DIAPH2: variants seen among roughly 807,000 people sequenced by gnomAD.
The protein encoded by DIAPH2 is diaphanous related formin 2.
Under a neutral mutation model 92.7 loss-of-function variants are expected in DIAPH2, and 35 were observed. The ratio of observed to expected loss-of-function variants is 0.38; its 90% CI spans 0.29 to 0.50. DIAPH2 has a LOEUF of 0.50. Ranked by LOEUF, DIAPH2 falls within the 20% of genes least tolerant of loss-of-function variation. The pLI is 0.94. For missense variants in DIAPH2, 701 were observed against 819.5 expected (o/e 0.86, Z 1.77); for synonymous variants, 301 against 280.4 (o/e 1.07, Z -0.73).
At chrX:97,235,995 C>T (rs1332910743) in intron 22 of DIAPH2, among the ~76,000 whole-genome samples, 1 of 111,675 alleles carries the variant, frequency 9.0e-6, no homozygotes, top group African/African-American at 3.3e-5. Flanking sequence ...AAGGAAAATA[C>T]AACCATAGGC....
At chrX:97,375,901 G>C (rs1328634041) in intron 24 of DIAPH2, among the ~76,000 whole-genome samples, 1 of 111,487 alleles carries the variant, frequency 9.0e-6, no homozygotes, top group Non-Finnish European at 1.9e-5. Context: ...GCAAGGCCTG[G>C]GGTAGGGAAC....
chrX:96,884,562 G>T, intron 5 of DIAPH2: 1 of 1,211,104 alleles, frequency 8.3e-7, no homozygotes, highest in Non-Finnish European at 1.1e-6. Context: ...GAGGGGCAGA[G>T]AAGGCTTCAA....
At chrX:97,258,695 C>G (rs1446026977) in intron 23 of DIAPH2, among the ~76,000 whole-genome samples, 2 of 106,722 alleles carry the variant, frequency 1.9e-5, no homozygotes, top group African/African-American at 6.8e-5. Context: ...CAGTGAAACC[C>G]CGTCTATACT....
intron 26 of DIAPH2, among the ~76,000 whole-genome samples, chrX:97,535,104 T>A (rs2071085948): frequency 8.9e-6 from 1 of 112,097 alleles, no homozygotes; most frequent in South Asian, 3.7e-4. Flanking sequence ...TGATGCTGTA[T>A]ACTGGCTGAG....
chrX:97,252,972 T>C lies in DIAPH2; in HGVS notation c.2844+5133T>C, dbSNP rs1309083324. Among the ~76,000 whole-genome samples the C allele has an allele frequency of 2.7e-5, 3 of 111,156 alleles. No individual in the cohort carries two copies. In the East Asian group the frequency reaches 8.4e-4, roughly 31 times the overall value. ...GTCAGTAATACAGATAATGCATACA[T>C]TGAGAAGCAAATTGTTTTAGAAAAC... is the stretch of plus-strand genomic sequence containing the variant. On this transcript the variant is annotated intron_variant, in intron 23 of 26. Coordinates refer to ENST00000324765, the MANE Select transcript of DIAPH2 (RefSeq NM_006729.5).
At position 96,884,705 on chromosome X, in the gene DIAPH2, A is replaced by C. The variant is rs377302642; in HGVS notation, c.587+2987A>C. The C allele has an allele frequency of 3.3e-6, 4 of 1,208,388 alleles. No individual in the cohort carries two copies. Among genetic ancestry groups the C allele is most frequent in the Non-Finnish European group, 4.5e-6 (4 of 894,831 alleles). On this transcript the variant is annotated intron_variant, in intron 5 of 26. Transcript: ENST00000324765. ...TATGTCAAAGTGTTTGGTATCCTCAAATGTCCCACGGGAACAAAGAGCCTT... is the reference window on the plus strand; with the variant it reads ...TATGTCAAAGTGTTTGGTATCCTCACATGTCCCACGGGAACAAAGAGCCTT...
intron 22 of DIAPH2, among the ~76,000 whole-genome samples, chrX:97,200,872 A>G (rs2067742135): frequency 9.0e-6 from 1 of 111,718 alleles, no homozygotes; most frequent in Non-Finnish European, 1.9e-5. Context: ...ATGCCTCCTG[A>G]CTGGGAGAGA....
chrX:97,471,551 G>A (rs2070562531), intron 26 of DIAPH2, among the ~76,000 whole-genome samples: 2 of 109,251 alleles, frequency 1.8e-5, no homozygotes, highest in Admixed American at 9.8e-5. Context: ...AATCAGCCGG[G>A]CGTGGTGGTG....
At chrX:97,294,505 G>C (rs761505269) in intron 23 of DIAPH2, among the ~76,000 whole-genome samples, 8 of 111,282 alleles carry the variant, frequency 7.2e-5, no homozygotes, top group African/African-American at 2.6e-4. Flanking sequence ...ATTTCTCTTT[G>C]AGTTATTCAA....
At chrX:96,901,532 GTTTTTTTTTT>G (rs369526046) in intron 5 of DIAPH2, among the ~76,000 whole-genome samples, 44 of 33,098 alleles carry the variant, frequency 1.3e-3, no homozygotes, top group African/African-American at 4.2e-3. Context: ...TTTTCTTTCT[GTTTTTTTTTT>G]TTTTTTTTTT....
chrX:97,164,014 C>T (rs1037769215), intron 22 of DIAPH2, among the ~76,000 whole-genome samples: 2 of 112,014 alleles, frequency 1.8e-5, no homozygotes, highest in African/African-American at 6.5e-5. Flanking sequence ...AGTAAATTGG[C>T]TCAATGTATG....
intron 22 of DIAPH2, among the ~76,000 whole-genome samples, chrX:97,191,642 A>T: frequency 8.9e-6 from 1 of 112,288 alleles, no homozygotes; most frequent in Non-Finnish European, 1.9e-5. Context: ...TTGGAAAATA[A>T]CCCTTAAAAA....
intron 19 of DIAPH2, among the ~76,000 whole-genome samples, chrX:97,079,614 G>A (rs2066727590): frequency 9.0e-6 from 1 of 110,895 alleles, no homozygotes; most frequent in Non-Finnish European, 1.9e-5. Flanking sequence ...AAGGATTTTT[G>A]GAGTCATTTA....
In DIAPH2 at chrX:96,738,717, G is replaced by C. The variant is rs1305571963; in HGVS notation, c.297G>C (p.Leu99Phe). ...AAQPLYDERSLNLSEKEVLDL... is the reference protein window; with the variant it reads ...AAQPLYDERSFNLSEKEVLDL... ...AGCCATTATATGATGAACGATCTTT[G>C]AATTTGTCAGAAAAGGAAGTATTGG... The change falls in exon 3 of 27, where the codon TTG becomes TTC. Residue 99 changes from leucine (L) to phenylalanine (F), a missense_variant. By Grantham distance (22) the Leu-to-Phe change is conservative (BLOSUM62 0). Transcript: ENST00000324765. 8.3e-7 allele frequency: 1 copy of C among 1,205,799 alleles called. No homozygotes were observed. Among genetic ancestry groups the C allele is most frequent in the African/African-American group, 1.8e-5 (1 of 56,877 alleles).
At chrX:96,933,225 G>GA (rs1276092653) in intron 10 of DIAPH2, among the ~76,000 whole-genome samples, 10 of 106,765 alleles carry the variant, frequency 9.4e-5, no homozygotes, top group African/African-American at 2.7e-4. Flanking sequence ...ATTTGGTTGG[G>GA]AAAAAAAAAA....
At chrX:97,479,416 G>A (rs1482510050) in intron 26 of DIAPH2, among the ~76,000 whole-genome samples, 1 of 112,257 alleles carries the variant, frequency 8.9e-6, no homozygotes, top group African/African-American at 3.2e-5. Context: ...GAGATGAAGA[G>A]CCTTGGCATC....
intron 26 of DIAPH2, among the ~76,000 whole-genome samples, chrX:97,569,138 G>C (rs1469949472): frequency 9.0e-6 from 1 of 111,544 alleles, no homozygotes; most frequent in Non-Finnish European, 1.9e-5. Flanking sequence ...ACAGTGTCTG[G>C]AATGCTAAAA....
rs748366783 is a variant in DIAPH2 at position 96,709,421 on chromosome X, G to GT, written c.132+24232dup. ...TGCTACTGAATTAAGCATAGGTGAGGTAACTGAAAGCCTAGGAAAAAAATA... is the reference window on the plus strand; with the variant it reads ...TGCTACTGAATTAAGCATAGGTGAGGTTAACTGAAAGCCTAGGAAAAAAATA... On this transcript the variant is annotated intron_variant, in intron 1 of 26. Coordinates refer to ENST00000324765, the MANE Select transcript of DIAPH2 (RefSeq NM_006729.5). Among the ~76,000 whole-genome samples, 8 of 111,887 alleles carry GT rather than the reference G, an allele frequency of 7.2e-5. No individual in the cohort carries two copies. The South Asian group carries it at 3.0e-3, about 42-fold the overall frequency.
In DIAPH2 at chrX:97,398,935, C is replaced by T. The variant is rs754582406; in HGVS notation, c.3145+14891C>T. ...CTAATTTTTGTATTTTTAGTAGAGACGGGGTTTCACCATCTTGGCCAGGCT... is the reference window on the plus strand; with the variant it reads ...CTAATTTTTGTATTTTTAGTAGAGATGGGGTTTCACCATCTTGGCCAGGCT... On this transcript the variant is annotated intron_variant, in intron 25 of 26. Coordinates refer to ENST00000324765, the MANE Select transcript of DIAPH2 (RefSeq NM_006729.5). 9.1e-5 allele frequency among the ~76,000 whole-genome samples: 10 copies of T among 110,119 alleles called. No homozygotes were observed. In the East Asian group the frequency reaches 2.3e-3, roughly 25 times the overall value.
Sources: allele counts gnomAD v4.1 joint callset (sites outside exome capture counted in the v4.1 genomes callset), GRCh38; gene constraint gnomAD v4.1.1; transcripts MANE v1.5; gene names NCBI Gene and HGNC (gene_info 2026-07-23, HGNC 2026-07-21).